Variants in ERBB4 observed in about 807,000 individuals in gnomAD.
ERBB4 encodes receptor tyrosine-protein kinase erbB-4.
In ERBB4, 42 loss-of-function variants were observed where a neutral mutation model predicts 158.0. That is an observed-to-expected ratio of 0.27 (90% CI 0.21 to 0.34). The LOEUF (loss-of-function observed/expected upper bound fraction) is 0.34. Ranked by LOEUF, ERBB4 falls within the 10% of genes least tolerant of loss-of-function variation. ERBB4 has a pLI of 1.00. For synonymous variants in ERBB4, 583 were observed against 558.7 expected (o/e 1.04, Z -0.61); for missense variants, 1,333 against 1,624.1 (o/e 0.82, Z 3.08).
At chr2:211,791,919 C>G (rs2076287366) in intron 3 of ERBB4, among the ~76,000 whole-genome samples, 1 of 151,610 alleles carries the variant, frequency 6.6e-6, no homozygotes, top group Admixed American at 6.6e-5. Context: ...AAATTGTAAT[C>G]TACACTATTT....
At chr2:212,092,947 T>C (rs1575620374) in intron 2 of ERBB4, among the ~76,000 whole-genome samples, 1 of 152,208 alleles carries the variant, frequency 6.6e-6, no homozygotes, top group East Asian at 1.9e-4. Context: ...ACTCCAGAAT[T>C]TAAAGTATAA....
chr2:211,736,656 AAT>A (rs1008692577), intron 5 of ERBB4, among the ~76,000 whole-genome samples: 14 of 152,262 alleles, frequency 9.2e-5, no homozygotes, highest in Non-Finnish European at 1.9e-4. Flanking sequence ...GGATATGGAA[AAT>A]CACTGCACAA....
intron 2 of ERBB4, among the ~76,000 whole-genome samples, chr2:211,997,776 T>C (rs1410660187): frequency 6.6e-6 from 1 of 152,074 alleles, no homozygotes; most frequent in Non-Finnish European, 1.5e-5. Context: ...TTATATTGTC[T>C]TGTTTATTCC....
chr2:212,173,643 T>C (rs2081582261), intron 1 of ERBB4, among the ~76,000 whole-genome samples: 1 of 152,166 alleles, frequency 6.6e-6, no homozygotes, highest in African/African-American at 2.4e-5. Context: ...TTTTGCTTTA[T>C]TGTCAGGAAA....
intron 1 of ERBB4, among the ~76,000 whole-genome samples, chr2:212,225,145 C>T (rs115344394): frequency 0.01 from 1,588 of 151,962 alleles, 14 homozygotes; most frequent in South Asian, 0.029. Context: ...ATACACTTTA[C>T]TATATTAAAA....
At chr2:211,846,046 A>ATTG (rs1287251653) in intron 3 of ERBB4, among the ~76,000 whole-genome samples, 7 of 104,890 alleles carry the variant, frequency 6.7e-5, no homozygotes, top group East Asian at 5.1e-4. Context: ...AATACTGTTA[A>ATTG]TTGTTGTTTT....
intron 16 of ERBB4, among the ~76,000 whole-genome samples, chr2:211,640,385 G>A (rs1185627990): frequency 6.6e-6 from 1 of 152,134 alleles, no homozygotes. Context: ...AGTGAATACA[G>A]TTGTGGGAAA....
At position 211,896,848 on chromosome 2, in the gene ERBB4, C is replaced by G. The variant is rs571980333; in HGVS notation, c.421+50582G>C. Among the ~76,000 whole-genome samples the G allele has an allele frequency of 3.9e-5, 6 of 152,074 alleles. 1 individual carries two copies. The East Asian group carries it at 1.2e-3, about 29-fold the overall frequency. On this transcript the variant is annotated intron_variant, in intron 3 of 27. Coordinates refer to ENST00000342788, the MANE Select transcript of ERBB4 (RefSeq NM_005235.3). ...TTTTTTAACATGAATGAACATGCCA[C>G]TAGTATTTGTTACAATTTCATCATT...
chr2:211,398,165 T>C (rs1179912214), intron 25 of ERBB4, among the ~76,000 whole-genome samples: 1 of 152,106 alleles, frequency 6.6e-6, no homozygotes, highest in East Asian at 1.9e-4. Context: ...GCAAGTCAAA[T>C]ATCTTAGTGT....
chr2:211,773,598 TTATA>T (rs1171015959), intron 4 of ERBB4, among the ~76,000 whole-genome samples: 814 of 29,514 alleles, frequency 0.028, 8 homozygotes, highest in East Asian at 0.056. Flanking sequence ...TTCTGTAACT[TTATA>T]TATATATATA....
At chr2:211,829,660 TA>T (rs990773758) in intron 3 of ERBB4, among the ~76,000 whole-genome samples, 17 of 152,142 alleles carry the variant, frequency 1.1e-4, no homozygotes, top group African/African-American at 3.9e-4. Flanking sequence ...TATATTGCAT[TA>T]AAAAAATGAA....
At chr2:211,864,880 G>T (rs1323291007) in intron 3 of ERBB4, among the ~76,000 whole-genome samples, 1 of 152,076 alleles carries the variant, frequency 6.6e-6, no homozygotes, top group African/African-American at 2.4e-5. Context: ...GCGTGGTGGT[G>T]GGTGCCTGTA....
chr2:211,949,006 T>C (rs1416162905), intron 2 of ERBB4, among the ~76,000 whole-genome samples: 1 of 152,176 alleles, frequency 6.6e-6, no homozygotes, highest in Non-Finnish European at 1.5e-5. Context: ...CAGTTCAGGT[T>C]ATTCCATCTT....
At chr2:211,446,068 T>C (rs1160509781) in intron 20 of ERBB4, among the ~76,000 whole-genome samples, 1 of 152,198 alleles carries the variant, frequency 6.6e-6, no homozygotes. Context: ...GTATTTTTCT[T>C]GGTAAATTGC....
intron 3 of ERBB4, among the ~76,000 whole-genome samples, chr2:211,944,177 C>CTATATATATATATAGTG (rs1559154451): frequency 2.6e-5 from 1 of 38,584 alleles, no homozygotes; most frequent in African/African-American, 1.2e-4. Flanking sequence ...TATATATATA[C>CTATATATATATATAGTG]TATATATATA....
intron 3 of ERBB4, among the ~76,000 whole-genome samples, chr2:211,908,237 T>C (rs1468928391): frequency 6.6e-6 from 1 of 151,766 alleles, no homozygotes; most frequent in Non-Finnish European, 1.5e-5. Context: ...AAGATCACAG[T>C]TACAGTGACA....
chr2:212,076,567 G>A (rs988174521), intron 2 of ERBB4, among the ~76,000 whole-genome samples: 4 of 151,868 alleles, frequency 2.6e-5, no homozygotes, highest in African/African-American at 9.7e-5. Flanking sequence ...ATATAATGTG[G>A]TAAGTGATCT....
chr2:211,393,922 T>C (rs541594794), intron 25 of ERBB4, among the ~76,000 whole-genome samples: 12 of 152,180 alleles, frequency 7.9e-5, no homozygotes, highest in African/African-American at 2.4e-4. Context: ...CACAAAGATT[T>C]TTCATGACAG....
chr2:212,331,063 T>TATATATATATATATATATACAC (rs2088131104), intron 1 of ERBB4, among the ~76,000 whole-genome samples: 1 of 125,488 alleles, frequency 8.0e-6, no homozygotes. Context: ...AATTTGTATA[T>TATATATATATATATATATACAC]ATATATATAC....
Sources: gnomAD v4.1 joint callset for allele counts (sites outside exome capture counted in the v4.1 genomes callset) on GRCh38, gnomAD v4.1.1 for gene constraint, MANE v1.5 for transcripts, NCBI Gene and HGNC (gene_info 2026-07-23, HGNC 2026-07-21) for gene names.